DGKB: variants seen among roughly 807,000 people sequenced by gnomAD.
DGKB encodes diacylglycerol kinase beta, also known as 90 kDa diacylglycerol kinase.
DGKB carries 67 observed loss-of-function variants against 114.3 expected under a neutral mutation model. The ratio of observed to expected loss-of-function variants is 0.59; its 90% CI spans 0.48 to 0.72. The LOEUF is 0.72. Ranked by LOEUF, DGKB falls within the 30% of genes least tolerant of loss-of-function variation. DGKB has a pLI of 0.00. For synonymous variants in DGKB, 398 were observed against 323.1 expected (o/e 1.23, Z -2.49); for missense variants, 907 against 975.2 (o/e 0.93, Z 0.93).
rs1272605286 is a variant in DGKB, at chr7:14,763,145, TC to T, written c.71-5415del. On this transcript the variant is annotated intron_variant, in intron 2 of 25. Coordinates refer to ENST00000402815, the MANE Select transcript of DGKB (RefSeq NM_001350709.2). ...CATCATCCCATGATTTTAGAGCTCT[TC>T]TTTTGCTGATGATTTTTTTTTCCTC... Among the ~76,000 whole-genome samples, 9 of 152,246 alleles carry T rather than the reference TC, an allele frequency of 5.9e-5. No homozygotes were observed. In the South Asian group the frequency reaches 1.4e-3, roughly 25 times the overall value.
chr7:14,206,571 G>A lies in DGKB; in HGVS notation c.2123-28420C>T, dbSNP rs187189410. 5.1e-4 allele frequency among the ~76,000 whole-genome samples: 77 copies of A among 152,106 alleles called. 1 individual carries two copies. In the South Asian group the frequency reaches 7.1e-3, roughly 14 times the overall value. On this transcript the variant is annotated intron_variant, in intron 23 of 25. Coordinates refer to ENST00000402815, the MANE Select transcript of DGKB (RefSeq NM_001350709.2). Reference sequence around the variant, plus strand: ...ATGACCTTATAAATCATGTTAAAGAGTTTGAACTTACATAAGGGACTGTGG... The same window carrying A: ...ATGACCTTATAAATCATGTTAAAGAATTTGAACTTACATAAGGGACTGTGG...
chr7:14,348,162 C>T, intron 21 of DGKB, among the ~76,000 whole-genome samples: 1 of 150,040 alleles, frequency 6.7e-6, no homozygotes, highest in Admixed American at 6.7e-5. Flanking sequence ...CTTCTACCTG[C>T]CCCCACTCCC....
chr7:14,566,087 C>T (rs139949645), intron 20 of DGKB, among the ~76,000 whole-genome samples: 1 of 149,130 alleles, frequency 6.7e-6, no homozygotes, highest in Non-Finnish European at 1.5e-5. Context: ...ATAATTTAAT[C>T]ACATATAATT....
intron 2 of DGKB, among the ~76,000 whole-genome samples, chr7:14,769,182 GGAAAGAAA>G (rs3036223): frequency 7.6e-6 from 1 of 131,018 alleles, no homozygotes; most frequent in Non-Finnish European, 1.6e-5. Context: ...GAAAGAGAAA[GGAAAGAAA>G]GAAAGAAAGG....
chr7:14,450,100 G>A lies in DGKB; in HGVS notation c.1835+28061C>T, dbSNP rs888979247. 4.6e-5 allele frequency among the ~76,000 whole-genome samples: 7 copies of A among 151,994 alleles called. No individual in the cohort carries two copies. In the South Asian group the frequency reaches 6.2e-4, roughly 14 times the overall value. On this transcript the variant is annotated intron_variant, in intron 21 of 25. Transcript: ENST00000402815. ...CTGGGATTAAAAAAAAATAAGCTAT[G>A]ACAAGAACACAATTTATCAATATGC...
At chr7:14,961,144 GCTTT>G (rs1190994582) in intron 1 of DGKB, among the ~76,000 whole-genome samples, 2 of 151,980 alleles carry the variant, frequency 1.3e-5, no homozygotes, top group Non-Finnish European at 2.9e-5. Flanking sequence ...CAGTCATAAT[GCTTT>G]CTATTTCTGC....
intron 21 of DGKB, among the ~76,000 whole-genome samples, chr7:14,368,574 T>TGTGTGTGC (rs1491100700): frequency 4.6e-5 from 1 of 21,682 alleles, no homozygotes; most frequent in African/African-American, 1.5e-4. Context: ...GTATTTTCTC[T>TGTGTGTGC]GTGTGTGTGT....
chr7:14,611,399 T>A (rs1344827282), intron 16 of DGKB, among the ~76,000 whole-genome samples: 1 of 152,146 alleles, frequency 6.6e-6, no homozygotes, highest in Non-Finnish European at 1.5e-5. Context: ...GAAAAGTTTA[T>A]GTGGATTTAT....
At chr7:14,558,382 T>C (rs1358584548) in intron 20 of DGKB, among the ~76,000 whole-genome samples, 1 of 152,104 alleles carries the variant, frequency 6.6e-6, no homozygotes, top group Non-Finnish European at 1.5e-5. Flanking sequence ...ATATTTCCTG[T>C]ATAGTTTGCC....
At chr7:14,515,711 C>A (rs1788686249) in intron 20 of DGKB, among the ~76,000 whole-genome samples, 1 of 152,154 alleles carries the variant, frequency 6.6e-6, no homozygotes. Context: ...AGAAATAGAA[C>A]CTTCATCACT....
intron 23 of DGKB, among the ~76,000 whole-genome samples, chr7:14,296,839 G>A (rs4451203): frequency 0.88 from 127,518 of 145,632 alleles, 56,122 homozygotes; most frequent in African/African-American, 0.97. Context: ...AGAGAGAAGA[G>A]TCAAATAGAC....
intron 1 of DGKB, among the ~76,000 whole-genome samples, chr7:14,956,290 G>C (rs1421144749): frequency 1.3e-5 from 2 of 151,878 alleles, no homozygotes; most frequent in Non-Finnish European, 2.9e-5. Context: ...AAACCAGAAT[G>C]AATCTTGCCC....
intron 21 of DGKB, among the ~76,000 whole-genome samples, chr7:14,393,888 C>T (rs978675062): frequency 4.6e-5 from 7 of 152,032 alleles, no homozygotes; most frequent in African/African-American, 1.2e-4. Context: ...TGTATATCAC[C>T]TTAGAGCCAT....
intron 1 of DGKB, among the ~76,000 whole-genome samples, chr7:14,868,859 C>T (rs1158649798): frequency 6.6e-6 from 1 of 152,148 alleles, no homozygotes; most frequent in African/African-American, 2.4e-5. Flanking sequence ...TATTTAAGCA[C>T]TAAATCAGTG....
intron 21 of DGKB, among the ~76,000 whole-genome samples, chr7:14,393,938 T>C (rs1821834156): frequency 6.6e-6 from 1 of 151,886 alleles, no homozygotes; most frequent in Admixed American, 6.6e-5. Flanking sequence ...ACAGATCCAA[T>C]CTGAGGGGAG....
intron 21 of DGKB, among the ~76,000 whole-genome samples, chr7:14,392,995 G>GTTTTTTTTTTTTTTTTTTTT (rs1554404748): frequency 1.5e-4 from 9 of 60,546 alleles, no homozygotes; most frequent in Non-Finnish European, 2.1e-4. Flanking sequence ...TTTTGTTTTT[G>GTTTTTTTTTTTTTTTTTTTT]TTTTTTTTTT....
Position 14,149,198 on chromosome 7 carries a change from C to T in DGKB, c.2345G>A (p.Gly782Asp). The T allele has an allele frequency of 6.2e-7, 1 of 1,613,312 alleles. No individual in the cohort carries two copies. Reference protein sequence around the residue: ...THKNQAPMLMGPPPKTGLFCS... With the variant: ...THKNQAPMLMDPPPKTGLFCS... ...GAATAAACCGGTTTTTGGAGGCGGG[C>T]CCATCAGCATTGGGGCTTGGTTCTT... The change falls in exon 26 of 26, where the codon GGC (glycine) becomes GAC (aspartate). Residue 782 changes from glycine to aspartate, a missense_variant. Physicochemically the swap from Gly to Asp is moderately conservative, Grantham distance 94. Transcript: ENST00000402815.
At chr7:14,595,127 C>T (rs1234223694) in intron 17 of DGKB, among the ~76,000 whole-genome samples, 1 of 151,844 alleles carries the variant, frequency 6.6e-6, no homozygotes, top group Non-Finnish European at 1.5e-5. Context: ...AATCTCGAAG[C>T]TTAGGTAAAG....
intron 6 of DGKB, among the ~76,000 whole-genome samples, chr7:14,707,133 A>T (rs1327058772): frequency 7.3e-6 from 1 of 136,244 alleles, no homozygotes; most frequent in African/African-American, 2.8e-5. Flanking sequence ...GATAAAGGGG[A>T]TATCACCACC....
Sources: gnomAD v4.1 joint callset for allele counts (sites outside exome capture counted in the v4.1 genomes callset) on GRCh38, gnomAD v4.1.1 for gene constraint, MANE v1.5 for transcripts, NCBI Gene and HGNC (gene_info 2026-07-23, HGNC 2026-07-21) for gene names.